PPM1D: variants seen among roughly 807,000 people sequenced by gnomAD.
PPM1D encodes protein phosphatase, Mg2+/Mn2+ dependent 1D.
In PPM1D, 52 loss-of-function variants were observed where a neutral mutation model predicts 58.3. The observed-to-expected ratio is 0.89, with a 90% confidence interval of 0.71 to 1.12. The LOEUF is 1.12. Ranked by LOEUF, PPM1D falls within the 50% of genes most tolerant of loss-of-function variation. The pLI, the probability that PPM1D is intolerant of heterozygous loss-of-function variation, is 0.00. For synonymous variants in PPM1D, 278 were observed against 285.1 expected (o/e 0.98, Z 0.25); for missense variants, 564 against 777.2 (o/e 0.73, Z 3.26).
intron 1 of PPM1D, among the ~76,000 whole-genome samples, chr17:60,619,391 A>G (rs1474744190): frequency 6.6e-6 from 1 of 152,058 alleles, no homozygotes; most frequent in Admixed American, 6.5e-5. Context: ...TTTTCTTTGG[A>G]TATACATTCA....
intron 4 of PPM1D, among the ~76,000 whole-genome samples, chr17:60,649,002 T>C (rs544672293): frequency 1.3e-5 from 2 of 151,378 alleles, no homozygotes; most frequent in Admixed American, 1.3e-4. Flanking sequence ...TGACCTGAGG[T>C]GATGCCTCAG....
intron 3 of PPM1D, among the ~76,000 whole-genome samples, chr17:60,641,450 G>C (rs79783736): frequency 6.6e-6 from 1 of 152,208 alleles, no homozygotes; most frequent in Non-Finnish European, 1.5e-5. Context: ...TTTTTAACTT[G>C]TTGAATTGTT....
chr17:60,659,988 G>C (rs928265088), intron 5 of PPM1D, among the ~76,000 whole-genome samples: 1 of 152,210 alleles, frequency 6.6e-6, no homozygotes, highest in African/African-American at 2.4e-5. Flanking sequence ...GAGGCGGGTG[G>C]ATCACAAGGT....
chr17:60,641,554 T>C (rs2031134659), intron 3 of PPM1D, among the ~76,000 whole-genome samples: 1 of 152,236 alleles, frequency 6.6e-6, no homozygotes, highest in Non-Finnish European at 1.5e-5. Flanking sequence ...TTTACTCTGT[T>C]GATAGCTTCT....
chr17:60,608,969 G>C (rs527912177), intron 1 of PPM1D, among the ~76,000 whole-genome samples: 2 of 151,490 alleles, frequency 1.3e-5, no homozygotes, highest in Non-Finnish European at 2.9e-5. Flanking sequence ...GGATGGTCTC[G>C]ATCTCCTGAC....
At position 60,642,568 on chromosome 17, in the gene PPM1D, C is replaced by T. The variant is rs193093621; in HGVS notation, c.827-5324C>T. On this transcript the variant is annotated intron_variant, in intron 3 of 5. Transcript: ENST00000305921. ...CTGGCTCCTGGGTTCAAGTGATTCT[C>T]CTGCCCGAGCCTCTCGAGTAGCTGG... Among the ~76,000 whole-genome samples the T allele has an allele frequency of 3.1e-3, 474 of 152,062 alleles. 3 individuals are homozygous for T. Among genetic ancestry groups the T allele is most frequent in the African/African-American group, 0.011 (440 of 41,516 alleles).
At chr17:60,623,371 C>G (rs1368016246) in intron 1 of PPM1D, 150 bp from the exon 2 acceptor site, 1 of 677,276 alleles carries the variant, frequency 1.5e-6, no homozygotes, top group Non-Finnish European at 2.4e-6. Flanking sequence ...AACCTAAGTC[C>G]TTTAGTAGTT....
chr17:60,630,745 G>T (rs1408702231), intron 2 of PPM1D, among the ~76,000 whole-genome samples: 2 of 152,200 alleles, frequency 1.3e-5, no homozygotes, highest in African/African-American at 4.8e-5. Flanking sequence ...TGAATATTAA[G>T]TGTCGAGAGA....
intron 3 of PPM1D, among the ~76,000 whole-genome samples, chr17:60,644,547 C>T (rs1166749721): frequency 6.6e-6 from 1 of 152,256 alleles, no homozygotes; most frequent in East Asian, 1.9e-4. Flanking sequence ...ATGAAATTGC[C>T]TGAGTGTGGT....
At chr17:60,647,841 AC>A (rs2031275702) in intron 3 of PPM1D, 50 bp from the exon 4 acceptor site, 2 of 1,503,200 alleles carry the variant, frequency 1.3e-6, no homozygotes, top group Middle Eastern at 1.7e-4. Context: ...TTGCTGTTGT[AC>A]TATTAGCTTC....
intron 4 of PPM1D, among the ~76,000 whole-genome samples, chr17:60,648,952 A>G (rs929585720): frequency 2.0e-5 from 3 of 150,640 alleles, no homozygotes; most frequent in African/African-American, 7.3e-5. Flanking sequence ...TTTAGTAGAG[A>G]TGGGGTTTCA....
chr17:60,657,015 C>G (rs2031454822), intron 5 of PPM1D, 174 bp downstream of exon 5: 6 of 1,536,628 alleles, frequency 3.9e-6, no homozygotes, highest in Non-Finnish European at 5.2e-6. Context: ...ATCTGAATGC[C>G]AGCCATGTGT....
At chr17:60,660,769 A>C (rs995597812) in intron 5 of PPM1D, among the ~76,000 whole-genome samples, 6 of 152,042 alleles carry the variant, frequency 3.9e-5, no homozygotes, top group Non-Finnish European at 2.9e-5. Context: ...TCAAAAAAAG[A>C]AAAAAGGAAG....
chr17:60,647,491 T>C (rs1598410832), intron 3 of PPM1D, among the ~76,000 whole-genome samples: 1 of 152,174 alleles, frequency 6.6e-6, no homozygotes, highest in East Asian at 1.9e-4. Context: ...ATAAATGAAA[T>C]TATCTGCAAA....
At position 60,663,617 on chromosome 17, in the gene PPM1D, C is replaced by T. The variant is rs114421707; in HGVS notation, c.*65C>T. On this transcript the variant is annotated 3_prime_UTR_variant, in exon 6 of 6. Coordinates refer to ENST00000305921, the MANE Select transcript of PPM1D (RefSeq NM_003620.4). ...TAAGAGGGCTTTTTAAATTTGGTGC[C>T]GATGTTGAACTTTTTTTAAGGGGAG... 1.6e-4 allele frequency: 235 copies of T among 1,488,300 alleles called. No individual in the cohort carries two copies. In the African/African-American group the frequency reaches 2.9e-3, roughly 18 times the overall value. The allele number at this position is 1,488,300 out of a possible 1,614,324, so 92.2% of individuals were successfully genotyped here. A position where few individuals can be genotyped will look rare whatever the true frequency, so the allele number is the denominator to read the frequency against.
chr17:60,639,150 T>C (rs1391501445), intron 3 of PPM1D, among the ~76,000 whole-genome samples: 2 of 152,132 alleles, frequency 1.3e-5, no homozygotes, highest in East Asian at 3.9e-4. Context: ...AGTTTTTTTC[T>C]TGTCATCCAG....
chr17:60,657,061 G>C (rs1299930106), intron 5 of PPM1D: 1 of 1,437,646 alleles, frequency 7.0e-7, no homozygotes, highest in African/African-American at 1.4e-5. Flanking sequence ...GGGCCCTTAA[G>C]AATATTATTG....
At chr17:60,603,715 G>GC (rs1238100652) in intron 1 of PPM1D, among the ~76,000 whole-genome samples, 2 of 152,106 alleles carry the variant, frequency 1.3e-5, no homozygotes, top group Non-Finnish European at 2.9e-5. Context: ...AGTGAGCTGG[G>GC]ATTGGGCCAC....
intron 2 of PPM1D, among the ~76,000 whole-genome samples, chr17:60,623,995 A>G (rs754067746): frequency 6.6e-6 from 1 of 152,230 alleles, no homozygotes; most frequent in Non-Finnish European, 1.5e-5. Flanking sequence ...CAAGGAAACA[A>G]TTCAAGGTTT....
Sources: allele counts gnomAD v4.1 joint callset (sites outside exome capture counted in the v4.1 genomes callset), GRCh38; gene constraint gnomAD v4.1.1; transcripts MANE v1.5; gene names NCBI Gene and HGNC (gene_info 2026-07-23, HGNC 2026-07-21).